Variants in SCN11A observed in about 807,000 individuals in gnomAD.
SCN11A encodes sodium channel protein type 11 subunit alpha.
A neutral mutation model predicts 162.2 loss-of-function variants in SCN11A; 122 were observed. The ratio of observed to expected loss-of-function variants is 0.75; its 90% confidence interval spans 0.65 to 0.87. The LOEUF is 0.87. Among genes scored for constraint, SCN11A ranks in the 40% least tolerant of loss-of-function variants. The pLI is 0.00. For missense variants in SCN11A, 2,015 were observed against 2,181.6 expected, an observed-to-expected ratio of 0.92 and a Z score of 1.52; for synonymous variants, 758 against 751.5, an observed-to-expected ratio of 1.01 and a Z score of -0.14.
intron 2 of SCN11A, among the ~76,000 whole-genome samples, chr3:38,983,081 T>C (rs889104412): frequency 1.3e-5 from 2 of 152,156 alleles, no homozygotes; most frequent in African/African-American, 2.4e-5. Context: ...CAGAGCTGAA[T>C]AGGGAAGGCT....
Position 38,979,546 on chromosome 3 carries a change from G to A in SCN11A, c.-279-19123C>T, listed in dbSNP as rs115294008. Among the ~76,000 whole-genome samples, 287 of 152,272 alleles carry A rather than the reference G, an allele frequency of 1.9e-3. 1 individual carries two copies. The highest frequency in any genetic ancestry group is 5.8e-3 in the African/African-American group (242 of 41,552). On this transcript the variant is annotated intron_variant, in intron 2 of 29. Transcript: ENST00000302328. ...ACACAAGACTGTGACAGATAGGCAG[G>A]GGCTTCCATATGGAAAAATAAAGAT...
At chr3:38,893,780 TAAG>T (rs980759628) in intron 19 of SCN11A, among the ~76,000 whole-genome samples, 35 of 151,908 alleles carry the variant, frequency 2.3e-4, no homozygotes, top group Middle Eastern at 6.8e-3. Flanking sequence ...GAAGAAATCA[TAAG>T]AAGAATTAGA....
At chr3:38,872,440 C>T (rs2065145162) in intron 23 of SCN11A, 146 bp from the exon 24 acceptor site, 1 of 577,940 alleles carries the variant, frequency 1.7e-6, no homozygotes, top group African/African-American at 1.9e-5. Context: ...CATAGAAAAT[C>T]CGAGAAATTG....
rs1231687769 is a variant in SCN11A, at chr3:38,847,604, G to A, written c.4466C>T (p.Ala1489Val). 3 of 1,614,048 alleles carry A rather than the reference G, an allele frequency of 1.9e-6. No homozygotes were observed. Among genetic ancestry groups the A allele is most frequent in the Admixed American group, 3.3e-5 (2 of 60,002 alleles). ...AARGIRTLLF[A>V]LMMSLPSLFN... ...CAGAGAAGGAAGCGACATCATCAGA[G>A]CAAAGAGGAGAGTCCTGATTCCTCG... is the stretch of plus-strand genomic sequence containing the variant. Residue 1489 changes from alanine (A) to valine (V), a missense_variant, in exon 30 of 30, where the codon GCT (alanine) becomes GTT (valine). Transcript: ENST00000302328.
chr3:38,966,425 A>C (rs1193799967), intron 2 of SCN11A, among the ~76,000 whole-genome samples: 1 of 152,234 alleles, frequency 6.6e-6, no homozygotes, highest in Non-Finnish European at 1.5e-5. Flanking sequence ...TTACAAAAAA[A>C]AGATGAAGCA....
At chr3:38,952,976 A>G (rs1488574044) in intron 4 of SCN11A, among the ~76,000 whole-genome samples, 7 of 152,242 alleles carry the variant, frequency 4.6e-5, no homozygotes, top group African/African-American at 1.4e-4. Context: ...CCTGAGGGTA[A>G]TGGGGAATTA....
At chr3:39,012,432 TTCTTTC>T (rs1046082486) in intron 2 of SCN11A, among the ~76,000 whole-genome samples, 1 of 151,316 alleles carries the variant, frequency 6.6e-6, no homozygotes, top group African/African-American at 2.5e-5. Context: ...CTTTCTTTCT[TTCTTTC>T]TCTCTCTCTT....
At chr3:38,955,733 T>G (rs1351269333) in intron 3 of SCN11A, among the ~76,000 whole-genome samples, 1 of 152,218 alleles carries the variant, frequency 6.6e-6, no homozygotes, top group African/African-American at 2.4e-5. Context: ...AGATAAAATT[T>G]TCAGATTCTG....
chr3:38,923,365 C>A (rs1172054390), intron 9 of SCN11A, among the ~76,000 whole-genome samples: 1 of 152,162 alleles, frequency 6.6e-6, no homozygotes, highest in Non-Finnish European at 1.5e-5. Context: ...CTAGCTCTGA[C>A]TTCTCCCTGG....
intron 27 of SCN11A, among the ~76,000 whole-genome samples, chr3:38,865,882 A>C (rs1401641093): frequency 1.3e-5 from 2 of 152,180 alleles, no homozygotes; most frequent in Admixed American, 6.5e-5. Context: ...TTTCCCCACC[A>C]GTCTAAAAAA....
intron 1 of SCN11A, among the ~76,000 whole-genome samples, chr3:39,039,188 GC>G (rs200153389): frequency 0.014 from 2,188 of 152,248 alleles, 20 homozygotes; most frequent in Non-Finnish European, 0.018. Flanking sequence ...TCATTGTTTA[GC>G]CCTTGCTGGA....
At chr3:39,039,915 T>C (rs1226730681) in intron 1 of SCN11A, among the ~76,000 whole-genome samples, 3 of 152,190 alleles carry the variant, frequency 2.0e-5, no homozygotes, top group African/African-American at 7.2e-5. Context: ...CATCCAGTGA[T>C]GGAGATATAG....
intron 1 of SCN11A, among the ~76,000 whole-genome samples, 27 bp from the exon 2 acceptor site, chr3:39,032,530 A>C (rs2031787423): frequency 6.6e-6 from 1 of 152,182 alleles, no homozygotes; most frequent in Non-Finnish European, 1.5e-5. Flanking sequence ...CAACAAAAAA[A>C]ACAAGCTTTA....
chr3:38,886,275 C>T (rs1268531125), intron 19 of SCN11A, 37 bp from the exon 20 acceptor site: 11 of 1,357,644 alleles, frequency 8.1e-6, no homozygotes, highest in Non-Finnish European at 1.1e-5. Flanking sequence ...TAATATTCCT[C>T]CTGGACATGT....
chr3:39,010,060 A>G (rs1157571028), intron 2 of SCN11A, among the ~76,000 whole-genome samples: 1 of 152,226 alleles, frequency 6.6e-6, no homozygotes, highest in East Asian at 1.9e-4. Context: ...ATTAGATAGT[A>G]GGGGCAAGTC....
At chr3:38,984,734 C>T (rs1457059435) in intron 2 of SCN11A, among the ~76,000 whole-genome samples, 1 of 152,154 alleles carries the variant, frequency 6.6e-6, no homozygotes, top group African/African-American at 2.4e-5. Flanking sequence ...TGGTCTCAAA[C>T]TCCTGCCCTC....
intron 7 of SCN11A, among the ~76,000 whole-genome samples, chr3:38,936,166 A>G (rs201107213): frequency 0.11 from 16,468 of 151,740 alleles, 970 homozygotes; most frequent in Middle Eastern, 0.15. Flanking sequence ...ACAAAATTCA[A>G]CAACCCTTCA....
chr3:38,960,744 C>T (rs187884667), intron 2 of SCN11A, among the ~76,000 whole-genome samples: 1 of 152,208 alleles, frequency 6.6e-6, no homozygotes, highest in African/African-American at 2.4e-5. Flanking sequence ...TCTCACCCCC[C>T]ACAGGACCCA....
At chr3:38,886,281 C>T (rs1370333399) in intron 19 of SCN11A, 43 bp from the exon 20 acceptor site, 1 of 1,319,668 alleles carries the variant, frequency 7.6e-7, no homozygotes, top group Admixed American at 1.8e-5. Context: ...TCCTCCTGGA[C>T]ATGTCACTTA....
Sources: gnomAD v4.1 joint callset for allele counts (sites outside exome capture counted in the v4.1 genomes callset) on GRCh38, gnomAD v4.1.1 for gene constraint, MANE v1.5 for transcripts, NCBI Gene and HGNC (gene_info 2026-07-23, HGNC 2026-07-21) for gene names.